Variants in SYTL2 observed in about 807,000 individuals in gnomAD.
SYTL2 encodes synaptotagmin-like protein 2.
SYTL2 carries 165 observed loss-of-function variants against 198.7 expected under a neutral mutation model. The observed-to-expected ratio is 0.83, with a 90% CI of 0.73 to 0.94. The LOEUF is 0.94. SYTL2 is among the 40% of genes least tolerant of loss of function. The pLI is 0.00. For synonymous variants in SYTL2, 966 were observed against 917.7 expected (o/e 1.05, Z -0.95); for missense variants, 2,835 against 2,582.8 (o/e 1.10, Z -2.12).
chr11:85,810,411 C>A (rs1292457010), intron 1 of SYTL2, among the ~76,000 whole-genome samples: 1 of 152,174 alleles, frequency 6.6e-6, no homozygotes, highest in Non-Finnish European at 1.5e-5. Flanking sequence ...CGCTTTTCCA[C>A]TTCAAAGGAT....
chr11:85,700,400 C>G, intron 17 of SYTL2, 115 bp downstream of exon 17: 1 of 745,918 alleles, frequency 1.3e-6, no homozygotes, highest in Non-Finnish European at 2.3e-6. Flanking sequence ...TTGGTCTATA[C>G]GTTACTAACT....
intron 1 of SYTL2, among the ~76,000 whole-genome samples, chr11:85,791,647 AAC>A (rs1287863289): frequency 8.5e-5 from 13 of 152,148 alleles, no homozygotes; most frequent in Admixed American, 2.0e-4. Context: ...GAACACAGCA[AAC>A]AGTTGTTTTC....
At chr11:85,767,218 G>A (rs1475547609) in intron 1 of SYTL2, among the ~76,000 whole-genome samples, 1 of 152,250 alleles carries the variant, frequency 6.6e-6, no homozygotes, top group African/African-American at 2.4e-5. Flanking sequence ...ATGAAAAAGG[G>A]TTAGACCAAT....
intron 4 of SYTL2, among the ~76,000 whole-genome samples, chr11:85,738,515 C>G (rs565551497): frequency 3.3e-5 from 5 of 152,284 alleles, no homozygotes; most frequent in African/African-American, 1.2e-4. Flanking sequence ...AGACACATTA[C>G]AGGAGTCCTC....
Position 85,727,762 on chromosome 11 carries a change from T to C in SYTL2, c.1596A>G (p.Ser532=). Residue 532 remains serine, a synonymous_variant, in exon 8 of 20, where the codon TCA becomes TCG. Transcript: ENST00000359152. ...GTTGGAGGAATGACTTATTGTCATCTGAATAAGAACTTCGGTTAAACCAGT... is the reference window on the plus strand; with the variant it reads ...GTTGGAGGAATGACTTATTGTCATCCGAATAAGAACTTCGGTTAAACCAGT... ...VLDWFNRSSY[S]DDNKSFLQHP... 1 of 1,565,238 alleles carries C rather than the reference T, an allele frequency of 6.4e-7. No homozygotes were observed. The highest frequency in any genetic ancestry group is 8.7e-7 in the Non-Finnish European group (1 of 1,154,298).
At position 85,726,449 on chromosome 11, in the gene SYTL2, T is replaced by C; in HGVS notation, c.2909A>G (p.Glu970Gly). The stretch of plus-strand genomic sequence containing the variant: ...ATTATAGACCTGTTCTGCATTGGGT[T>C]CATCCATTCTTTCTTTTAGGGACAT... ...KVMSLKERMD[E>G]PNAEQVYNPS... The change falls in exon 8 of 20, where the codon GAA becomes GGA. Residue 970 changes from glutamate to glycine, a missense_variant. Physicochemically the swap from Glu to Gly is moderately conservative, Grantham distance 98 (BLOSUM62 -2). Transcript: ENST00000359152. The C allele has an allele frequency of 1.2e-6, 2 of 1,613,316 alleles. No individual in the cohort carries two copies. The highest frequency in any genetic ancestry group is 1.7e-6 in the Non-Finnish European group (2 of 1,179,924).
the SYTL2 span, chr11:85,854,272 T>C: frequency 2.1e-5 from 3 of 142,808 alleles, no homozygotes; most frequent in Non-Finnish European, 3.0e-5. Flanking sequence ...GCTGAATAAA[T>C]GAATATTTCC....
the SYTL2 span, among the ~76,000 whole-genome samples, chr11:85,843,550 G>T: frequency 6.6e-6 from 1 of 152,222 alleles, no homozygotes; most frequent in East Asian, 1.9e-4. Flanking sequence ...CCATCTAACT[G>T]ATGCTGAGTG....
rs765989300 is a variant in SYTL2 at position 85,734,140 on chromosome 11, T to C, written c.1189A>G (p.Thr397Ala). Residue 397 changes from threonine to alanine, a missense_variant, in exon 7 of 20, where the codon ACC (threonine) becomes GCC (alanine). Transcript: ENST00000359152. ...CTTTTTGATACATATGGGCTTGAGG[T>C]TGATTGATGAAAAAGCGAAGGCTTT... ...YRKPSLFHQS[T>A]SSPYVSKSET... 2.5e-6 allele frequency: 4 copies of C among 1,614,030 alleles called. No homozygotes were observed. Among genetic ancestry groups the C allele is most frequent in the Admixed American group, 3.3e-5 (2 of 60,004 alleles).
chr11:85,702,067 C>A (rs948221323), intron 16 of SYTL2, among the ~76,000 whole-genome samples: 1 of 152,146 alleles, frequency 6.6e-6, no homozygotes, highest in African/African-American at 2.4e-5. Context: ...ACTGGAAAAA[C>A]ACTCTAGACC....
intron 1 of SYTL2, among the ~76,000 whole-genome samples, chr11:85,767,257 T>C (rs2092261452): frequency 1.3e-5 from 2 of 152,328 alleles, no homozygotes; most frequent in African/African-American, 4.8e-5. Context: ...TGCCTAACAT[T>C]GGAGCTAGGA....
intron 9 of SYTL2, 67 bp from the exon 10 acceptor site, chr11:85,718,910 G>T (rs1464324815): frequency 1.1e-5 from 17 of 1,588,156 alleles, no homozygotes; most frequent in Non-Finnish European, 1.4e-5. Context: ...CAATGAGATT[G>T]TCCCTGGAAG....
the SYTL2 span, among the ~76,000 whole-genome samples, chr11:85,844,506 C>T: frequency 6.6e-6 from 1 of 152,106 alleles, no homozygotes; most frequent in Non-Finnish European, 1.5e-5. Context: ...AGTGTTACTC[C>T]ACATATTCTC....
rs148097333 is a variant in SYTL2, at chr11:85,696,357, G to A, written c.6400C>T (p.Arg2134Cys). Residue 2134 changes from arginine to cysteine, a missense_variant, in exon 19 of 20, where the codon CGC (arginine) becomes TGC (cysteine). This residue lies in a region of SYTL2 where 185 missense variants were observed against 182.1 expected (regional missense o/e 1.02). Coordinates refer to ENST00000359152, the MANE Select transcript of SYTL2 (RefSeq NM_206927.4). ...TTCCCTACAGCTCTTGTCTTCTGGC[G>A]ACTTTTCCTACTTGTATCTGGAAGG... The part of the protein sequence containing the change: ...TILPDTSRKS[R>C]QKTRAVGKTT... The A allele has an allele frequency of 3.8e-5, 62 of 1,613,826 alleles. No homozygotes were observed. The highest frequency in any genetic ancestry group is 4.7e-5 in the Non-Finnish European group (55 of 1,179,866).
intron 11 of SYTL2, among the ~76,000 whole-genome samples, chr11:85,716,096 C>T (rs1291930688): frequency 6.6e-6 from 1 of 152,078 alleles, no homozygotes; most frequent in African/African-American, 2.4e-5. Flanking sequence ...GTCTATGTGC[C>T]TTGACCAATA....
intron 10 of SYTL2, 21 bp from the exon 11 acceptor site, chr11:85,717,551 G>T: frequency 6.3e-7 from 1 of 1,599,566 alleles, no homozygotes; most frequent in South Asian, 1.1e-5. Flanking sequence ...GGGCAACATT[G>T]AGAATAAATA....
chr11:85,838,481 C>A, the SYTL2 span, among the ~76,000 whole-genome samples: 1 of 152,124 alleles, frequency 6.6e-6, no homozygotes, highest in African/African-American at 2.4e-5. Flanking sequence ...ATGCTGCAGG[C>A]CTTACAGGAA....
the SYTL2 span, among the ~76,000 whole-genome samples, chr11:85,833,765 CCGT>C: frequency 2.7e-4 from 38 of 142,684 alleles, no homozygotes; most frequent in South Asian, 8.3e-3. Context: ...GAGTCTCACT[CCGT>C]CATCCAGGCT....
At position 85,717,508 on chromosome 11, in the gene SYTL2, T is replaced by C; in HGVS notation, c.5505A>G (p.Pro1835=). The change falls in exon 11 of 20, where the codon CCA becomes CCG. Residue 1835 remains proline, a synonymous_variant. Transcript: ENST00000359152. ...AEDDEKPDQK[P]VTNECVPRIS... ...TTCTTGGTACGCATTCATTTGTAAC[T>C]GGCTTCTGATCTGGTTTCTCATCTA... 1 of 1,613,250 alleles carries C rather than the reference T, an allele frequency of 6.2e-7. No individual in the cohort carries two copies. The highest frequency in any genetic ancestry group is 8.5e-7 in the Non-Finnish European group (1 of 1,179,350).
Sources: gnomAD v4.1 joint callset for allele counts (sites outside exome capture counted in the v4.1 genomes callset) on GRCh38, gnomAD v4.1.1 for gene constraint, gnomAD v4.1.1 regional missense constraint, MANE v1.5 for transcripts, NCBI Gene and HGNC (gene_info 2026-07-23, HGNC 2026-07-21) for gene names.